The following THSD7B variants were observed in gnomAD, a reference collection of about 807,000 sequenced individuals.
THSD7B encodes thrombospondin type 1 domain containing 7B.
A neutral mutation model predicts 213.6 loss-of-function variants in THSD7B; 138 were observed. That is an observed-to-expected ratio of 0.65 (90% CI 0.56 to 0.74). The LOEUF is 0.74. THSD7B is among the 30% of genes least tolerant of loss of function. THSD7B has a pLI of 0.00. For missense variants in THSD7B, 1,931 were observed against 1,991.5 expected (o/e 0.97, Z 0.58); for synonymous variants, 742 against 687.0 (o/e 1.08, Z -1.25).
chr2:136,917,343 A>G (rs1456050283), intron 2 of THSD7B, among the ~76,000 whole-genome samples: 2 of 152,188 alleles, frequency 1.3e-5, no homozygotes, highest in East Asian at 1.9e-4. Context: ...TTAGCTTACA[A>G]AATAGCAGAT....
chr2:137,298,496 TA>T (rs1314967923), intron 12 of THSD7B, among the ~76,000 whole-genome samples: 3 of 152,272 alleles, frequency 2.0e-5, no homozygotes, highest in Middle Eastern at 3.4e-3. Flanking sequence ...AGCCTAATGT[TA>T]ATCCCTGAGA....
intron 12 of THSD7B, among the ~76,000 whole-genome samples, chr2:137,357,226 A>G (rs1685152953): frequency 1.3e-5 from 2 of 152,184 alleles, no homozygotes; most frequent in African/African-American, 2.4e-5. Flanking sequence ...AATTAAATTG[A>G]TACTTACAAT....
intron 7 of THSD7B, among the ~76,000 whole-genome samples, chr2:137,229,531 T>C (rs938779957): frequency 6.6e-6 from 1 of 152,200 alleles, no homozygotes; most frequent in African/African-American, 2.4e-5. Context: ...CCTGGCCTCA[T>C]TTACAAATAT....
At chr2:137,364,872 C>A (rs894544206) in intron 12 of THSD7B, among the ~76,000 whole-genome samples, 4 of 152,134 alleles carry the variant, frequency 2.6e-5, no homozygotes, top group African/African-American at 9.7e-5. Context: ...ACTTTCTTCA[C>A]AAAATTGGAA....
chr2:137,459,580 G>T (rs1687841765), intron 15 of THSD7B, among the ~76,000 whole-genome samples: 1 of 151,990 alleles, frequency 6.6e-6, no homozygotes, highest in African/African-American at 2.4e-5. Context: ...CAGGAGAATT[G>T]CTTGAACCCA....
At chr2:136,946,130 T>G (rs62172673) in intron 2 of THSD7B, among the ~76,000 whole-genome samples, 54,039 of 151,738 alleles carry the variant, frequency 0.36, 12,531 homozygotes, top group Non-Finnish European at 0.52. Flanking sequence ...GTTGGTGATC[T>G]ACATATGGGG....
intron 5 of THSD7B, among the ~76,000 whole-genome samples, chr2:137,120,790 A>AG (rs1688532232): frequency 6.6e-6 from 1 of 152,192 alleles, no homozygotes; most frequent in African/African-American, 2.4e-5. Flanking sequence ...GAGTGCAAAC[A>AG]AGCTTCCTTT....
intron 1 of THSD7B, among the ~76,000 whole-genome samples, chr2:136,855,595 TTTATTTA>T (rs144052356): frequency 0.37 from 48,763 of 133,068 alleles, 8,719 homozygotes; most frequent in East Asian, 0.55. Flanking sequence ...CCGGCTATTA[TTTATTTA>T]TTATTTATTT....
intron 14 of THSD7B, among the ~76,000 whole-genome samples, chr2:137,444,193 A>G (rs1687479827): frequency 6.6e-6 from 1 of 152,042 alleles, no homozygotes; most frequent in South Asian, 2.1e-4. Context: ...TTATGAGAGT[A>G]TGCAACTTCT....
intron 17 of THSD7B, 75 bp downstream of exon 17, chr2:137,572,631 G>A: frequency 6.6e-7 from 1 of 1,503,786 alleles, no homozygotes; most frequent in Non-Finnish European, 9.1e-7. Flanking sequence ...CATTCACAGT[G>A]CTAGTCTCCA....
At chr2:137,147,186 C>T (rs1353110245) in intron 5 of THSD7B, among the ~76,000 whole-genome samples, 1 of 152,152 alleles carries the variant, frequency 6.6e-6, no homozygotes, top group East Asian at 1.9e-4. Flanking sequence ...AAGAGCTATA[C>T]AAGTAGGACT....
chr2:137,111,843 A>T (rs915298454), intron 4 of THSD7B, among the ~76,000 whole-genome samples: 1 of 152,178 alleles, frequency 6.6e-6, no homozygotes, highest in Non-Finnish European at 1.5e-5. Context: ...GCATTTCCAT[A>T]GCCAATTTCG....
At chr2:137,577,847 G>A (rs758685769) in intron 17 of THSD7B, among the ~76,000 whole-genome samples, 5 of 152,012 alleles carry the variant, frequency 3.3e-5, no homozygotes, top group Admixed American at 6.6e-5. Context: ...AATTAAAAAC[G>A]TGACTCATAC....
At chr2:137,315,170 G>A (rs559774236) in intron 12 of THSD7B, among the ~76,000 whole-genome samples, 21 of 152,302 alleles carry the variant, frequency 1.4e-4, no homozygotes, top group South Asian at 2.1e-4. Flanking sequence ...CTCCGTGGGC[G>A]TAGGACCCTC....
At chr2:136,956,308 G>A (rs1259303456) in intron 2 of THSD7B, among the ~76,000 whole-genome samples, 3 of 152,120 alleles carry the variant, frequency 2.0e-5, no homozygotes, top group Non-Finnish European at 4.4e-5. Context: ...CCCCAAGAGA[G>A]AATGAGTCTT....
At chr2:136,782,873 T>C (rs1364842824) in intron 1 of THSD7B, among the ~76,000 whole-genome samples, 2 of 152,046 alleles carry the variant, frequency 1.3e-5, no homozygotes, top group Non-Finnish European at 2.9e-5. Context: ...TTGTACATGA[T>C]AAAAACATGC....
intron 2 of THSD7B, among the ~76,000 whole-genome samples, chr2:136,936,351 C>T (rs566637044): frequency 1.2e-4 from 18 of 152,150 alleles, no homozygotes; most frequent in South Asian, 8.3e-4. Flanking sequence ...AGTCATTATA[C>T]GGAAAAGATA....
At chr2:137,557,118 C>T (rs980392573) in intron 15 of THSD7B, among the ~76,000 whole-genome samples, 2 of 152,156 alleles carry the variant, frequency 1.3e-5, no homozygotes, top group African/African-American at 2.4e-5. Flanking sequence ...CCACTGTCAA[C>T]TGTAGACAGA....
intron 2 of THSD7B, among the ~76,000 whole-genome samples, chr2:137,005,784 A>G (rs569827149): frequency 2.6e-5 from 4 of 152,286 alleles, no homozygotes; most frequent in Non-Finnish European, 4.4e-5. Flanking sequence ...CCTTCTAAAG[A>G]TTTCATTTCT....
Sources: gnomAD v4.1 joint callset for allele counts (sites outside exome capture counted in the v4.1 genomes callset) on GRCh38, gnomAD v4.1.1 for gene constraint, MANE v1.5 for transcripts, NCBI Gene and HGNC (gene_info 2026-07-23, HGNC 2026-07-21) for gene names.